CSNK1G2: variants seen among roughly 807,000 people sequenced by gnomAD.
CSNK1G2 encodes the protein casein kinase 1 gamma 2, also known as casein kinase I isoform gamma-2.
A neutral mutation model predicts 48.0 loss-of-function variants in CSNK1G2; 11 were observed. That is an observed-to-expected ratio of 0.23 (90% CI 0.14 to 0.38). The LOEUF (loss-of-function observed/expected upper bound fraction) is 0.38. Ranked by LOEUF, CSNK1G2 falls within the 10% of genes least tolerant of loss-of-function variation. The pLI is 1.00. For synonymous variants in CSNK1G2, 337 were observed against 254.1 expected (o/e 1.33, Z -3.10); for missense variants, 446 against 595.5 (o/e 0.75, Z 2.61).
intron 1 of CSNK1G2, among the ~76,000 whole-genome samples, chr19:1,958,611 C>T (rs1454252187): frequency 8.5e-6 from 1 of 117,140 alleles, no homozygotes; most frequent in Non-Finnish European, 1.8e-5. Context: ...CCCCCGTCCC[C>T]CCGTCCAGGG....
intron 2 of CSNK1G2, chr19:1,974,721 G>A (rs1348143384): frequency 6.6e-6 from 1 of 151,910 alleles, no homozygotes; most frequent in African/African-American, 2.4e-5. Flanking sequence ...AAGGCTGAGG[G>A]TAAACATGAG....
chr19:1,980,747 C>T lies in CSNK1G2; in HGVS notation c.*544C>T, dbSNP rs2015959769. On this transcript the variant is annotated 3_prime_UTR_variant, in exon 12 of 12. Coordinates refer to ENST00000255641, the MANE Select transcript of CSNK1G2 (RefSeq NM_001319.7). Reference sequence around the variant, plus strand: ...CCAGGGGTGAGGCCGTGCCCCAGGCCTCCCCGAAACCAAAGGGGAAGGCAG... The same window carrying T: ...CCAGGGGTGAGGCCGTGCCCCAGGCTTCCCCGAAACCAAAGGGGAAGGCAG... 1 of 154,058 alleles carries T rather than the reference C, an allele frequency of 6.5e-6. No individual in the cohort carries two copies. The highest frequency in any genetic ancestry group is 1.4e-5 in the Non-Finnish European group (1 of 69,230). The allele number at this position is 154,058 out of a possible 1,614,324, so 9.5% of individuals were successfully genotyped here.
At chr19:1,944,237 C>T (rs530114203) in intron 1 of CSNK1G2, among the ~76,000 whole-genome samples, 6 of 152,220 alleles carry the variant, frequency 3.9e-5, no homozygotes, top group East Asian at 1.9e-4. Flanking sequence ...AATGCTCCGC[C>T]GGCAGCCACA....
chr19:1,945,192 G>C (rs2014510498), intron 1 of CSNK1G2, among the ~76,000 whole-genome samples: 1 of 152,232 alleles, frequency 6.6e-6, no homozygotes, highest in African/African-American at 2.4e-5. Flanking sequence ...CCGCAAGGTT[G>C]CCAGGGCCCC....
chr19:1,974,448 G>A (rs1353800140), intron 2 of CSNK1G2, among the ~76,000 whole-genome samples: 1 of 152,210 alleles, frequency 6.6e-6, no homozygotes, highest in Non-Finnish European at 1.5e-5. Context: ...AGCCCCAGCA[G>A]TGCTGGATTG....
chr19:1,970,112 CGTG>C (rs1323983558), intron 2 of CSNK1G2, among the ~76,000 whole-genome samples, 153 bp downstream of exon 2: 1 of 152,180 alleles, frequency 6.6e-6, no homozygotes, highest in African/African-American at 2.4e-5. Context: ...ATCAGTCCGT[CGTG>C]GTGCGAGTGC....
At chr19:1,971,153 G>T (rs1273738439) in intron 2 of CSNK1G2, among the ~76,000 whole-genome samples, 2 of 152,246 alleles carry the variant, frequency 1.3e-5, no homozygotes, top group Non-Finnish European at 2.9e-5. Flanking sequence ...TTATGCGGCA[G>T]AAGTGTGTGT....
At chr19:1,951,533 C>T (rs556111009) in intron 1 of CSNK1G2, among the ~76,000 whole-genome samples, 1 of 146,476 alleles carries the variant, frequency 6.8e-6, no homozygotes, top group East Asian at 2.1e-4. Context: ...GGAGGCAGCA[C>T]CAGCTGTGGT....
chr19:1,951,184 G>A (rs1247683610), intron 1 of CSNK1G2, among the ~76,000 whole-genome samples: 1 of 145,424 alleles, frequency 6.9e-6, no homozygotes, highest in Non-Finnish European at 1.5e-5. Flanking sequence ...GGCAGATCAC[G>A]AGGTCAGGAG....
rs112925742 is a variant in CSNK1G2, at chr19:1,978,097, C to T, written c.188-208C>T. Among the ~76,000 whole-genome samples the T allele has an allele frequency of 6.4e-4, 98 of 152,170 alleles. No individual in the cohort carries two copies. Among genetic ancestry groups the T allele is most frequent in the Middle Eastern group, 6.8e-3 (2 of 294 alleles). On this transcript the variant is annotated intron_variant, in intron 2 of 11. Coordinates refer to ENST00000255641, the MANE Select transcript of CSNK1G2 (RefSeq NM_001319.7). This position sits in a 1 kb window ranked among gnomAD's most constrained non-coding sequence, Gnocchi z 7.3. ...GGCAGACACTGAGGCGGTGACCACA[C>T]GGGCAGGGTGCAGGTGTCGGGATGA...
At chr19:1,960,562 C>T (rs1020353710) in intron 1 of CSNK1G2, among the ~76,000 whole-genome samples, 11 of 152,160 alleles carry the variant, frequency 7.2e-5, no homozygotes, top group Admixed American at 4.6e-4. Context: ...TCTGTGTACA[C>T]GCATGTGGTT....
chr19:1,975,462 G>A (rs193228183), intron 2 of CSNK1G2: 38 of 985,462 alleles, frequency 3.9e-5, no homozygotes, highest in African/African-American at 2.4e-4. Context: ...AACTGGAGAC[G>A]GGAGGGCGTG....
intron 1 of CSNK1G2, among the ~76,000 whole-genome samples, chr19:1,962,058 G>A (rs765119503): frequency 1.6e-4 from 24 of 152,208 alleles, no homozygotes; most frequent in Non-Finnish European, 3.1e-4. Flanking sequence ...GGCCAGGCGC[G>A]GTGGCTCACG....
At chr19:1,974,119 C>G (rs994515119) in intron 2 of CSNK1G2, among the ~76,000 whole-genome samples, 10 of 152,136 alleles carry the variant, frequency 6.6e-5, no homozygotes, top group Non-Finnish European at 4.4e-5. Flanking sequence ...GTCTCAAACT[C>G]CTGACCTCGT....
At chr19:1,980,108 C>G (rs1275155502) in intron 11 of CSNK1G2, 41 bp from the exon 12 acceptor site, 1 of 1,611,394 alleles carries the variant, frequency 6.2e-7, no homozygotes, top group South Asian at 1.1e-5. Context: ...TGCCCCCGCC[C>G]TGCACCCCGG....
intron 2 of CSNK1G2, among the ~76,000 whole-genome samples, chr19:1,977,927 A>C (rs888085081): frequency 5.3e-5 from 8 of 151,842 alleles, no homozygotes; most frequent in Admixed American, 3.3e-4. Context: ...CTGGGGGCCG[A>C]GGGCCTCGGG....
In CSNK1G2 at chr19:1,978,215, CCCTCCTG is replaced by C. The variant is rs1031261818; in HGVS notation, c.188-78_188-72del. 3.6e-6 allele frequency: 5 copies of C among 1,372,886 alleles called. No homozygotes were observed. The highest frequency in any genetic ancestry group is 2.9e-5 in the African/African-American group (2 of 69,272). The allele number at this position is 1,372,886 out of a possible 1,614,324, so 85.0% of individuals were successfully genotyped here. ...TTTGGAGGGTGGTCCTTCAGGGACC[CCCTCCTG>C]CCTCCTGCCTCGGGGGTGGGCTGGG... On this transcript the variant is annotated intron_variant, in intron 2 of 11. Coordinates refer to ENST00000255641, the MANE Select transcript of CSNK1G2 (RefSeq NM_001319.7). The surrounding 1 kb of genome is among the most constrained non-coding windows in gnomAD (Gnocchi z 7.3).
chr19:1,961,894 C>T (rs11879858), intron 1 of CSNK1G2, among the ~76,000 whole-genome samples: 3,787 of 152,272 alleles, frequency 0.025, 186 homozygotes, highest in African/African-American at 0.087. Context: ...CCTTCTTCAA[C>T]CACGGCCACT....
chr19:1,979,776 A>G lies in CSNK1G2; in HGVS notation c.1027A>G (p.Thr343Ala). The G allele has an allele frequency of 6.2e-7, 1 of 1,606,814 alleles. No homozygotes were observed. Among genetic ancestry groups the G allele is most frequent in the Non-Finnish European group, 8.5e-7 (1 of 1,179,036 alleles). The stretch of plus-strand genomic sequence containing the variant: ...GCCGACCCCCATCGGCACCGTCCAC[A>G]CCGACCTGCCCTCCCAGCCTCAGCT... Reference protein sequence around the residue: ...PLPTPIGTVHTDLPSQPQLRD... With the variant: ...PLPTPIGTVHADLPSQPQLRD... The change falls in exon 10 of 12, where the codon ACC (threonine) becomes GCC (alanine). Residue 343 changes from threonine to alanine, a missense_variant. This residue lies in a region of CSNK1G2 where 188 missense variants were observed against 179.6 expected (regional missense o/e 1.05). Coordinates refer to ENST00000255641, the MANE Select transcript of CSNK1G2 (RefSeq NM_001319.7).
Sources: allele counts gnomAD v4.1 joint callset (sites outside exome capture counted in the v4.1 genomes callset), GRCh38; gene constraint gnomAD v4.1.1; regional missense constraint gnomAD v4.1.1; non-coding constraint Gnocchi (gnomAD v3.1); transcripts MANE v1.5; gene names NCBI Gene and HGNC (gene_info 2026-07-23, HGNC 2026-07-21).